The following CDYL variants were observed in gnomAD, a reference collection of about 807,000 sequenced individuals.
CDYL encodes the protein chromodomain Y-like protein.
In CDYL, 8 loss-of-function variants were observed where a neutral mutation model predicts 47.3. The ratio of observed to expected loss-of-function variants is 0.17; its 90% CI spans 0.10 to 0.31. CDYL has a LOEUF of 0.31. Among genes scored for constraint, CDYL ranks in the 10% least tolerant of loss-of-function variants. The pLI, the probability that CDYL is intolerant of heterozygous loss-of-function variation, is 1.00. For synonymous variants in CDYL, 266 were observed against 265.0 expected (o/e 1.00, Z -0.04); for missense variants, 471 against 701.4 (o/e 0.67, Z 3.71).
intron 1 of CDYL, among the ~76,000 whole-genome samples, chr6:4,889,366 G>C (rs750909264): frequency 6.6e-6 from 1 of 152,052 alleles, no homozygotes; most frequent in Non-Finnish European, 1.5e-5. Flanking sequence ...TGGGACTACA[G>C]GTGTGCACCA....
At chr6:4,922,841 G>GCGCT (rs1757756439) in intron 2 of CDYL, among the ~76,000 whole-genome samples, 1 of 152,138 alleles carries the variant, frequency 6.6e-6, no homozygotes, top group Non-Finnish European at 1.5e-5. Context: ...GACCTGCAGC[G>GCGCT]GGTGCCCAGC....
intron 1 of CDYL, among the ~76,000 whole-genome samples, chr6:4,888,920 TATC>T (rs1761967422): frequency 6.6e-6 from 1 of 152,246 alleles, no homozygotes; most frequent in Non-Finnish European, 1.5e-5. Flanking sequence ...TTATTTTCAG[TATC>T]ATCCCCATTT....
At chr6:4,919,002 G>A (rs915954692) in intron 2 of CDYL, among the ~76,000 whole-genome samples, 1 of 152,184 alleles carries the variant, frequency 6.6e-6, no homozygotes, top group Non-Finnish European at 1.5e-5. Flanking sequence ...ACCTTCAGAC[G>A]TGGGCAAAGA....
chr6:4,839,877 G>A lies in CDYL; in HGVS notation c.25-51836G>A, dbSNP rs922729929. Among the ~76,000 whole-genome samples, 6 of 152,132 alleles carry A rather than the reference G, an allele frequency of 3.9e-5. No homozygotes were observed. The South Asian group carries it at 1.0e-3, about 26-fold the overall frequency. ...TGATTCCTCCAGATTTGTTCTTTTT[G>A]CTTAGTCTTGCTTTGGTTATGTGGG... is the stretch of plus-strand genomic sequence containing the variant. On this transcript the variant is annotated intron_variant, in intron 1 of 6. Transcript: ENST00000397588.
At chr6:4,738,882 C>T (rs766171153) in intron 3 of CDYL, among the ~76,000 whole-genome samples, 9 of 152,216 alleles carry the variant, frequency 5.9e-5, no homozygotes, top group Non-Finnish European at 7.3e-5. Context: ...AACAATGTGG[C>T]CGGGCGCAGC....
chr6:4,905,469 C>G (rs188377301), intron 2 of CDYL, among the ~76,000 whole-genome samples: 1 of 152,090 alleles, frequency 6.6e-6, no homozygotes, highest in Non-Finnish European at 1.5e-5. Flanking sequence ...CACATTTCAG[C>G]GTCTTTTCTG....
At position 4,919,145 on chromosome 6, in the gene CDYL, TGTCA is replaced by T. The variant is rs375678610; in HGVS notation, c.692-16365_692-16362del. The stretch of plus-strand genomic sequence containing the variant: ...GTTCAAGTTCTTTTCGTTATCCTAC[TGTCA>T]GTCATTCAGCAAAATGAGTGTCTTT... On this transcript the variant is annotated intron_variant, in intron 2 of 6. Transcript: ENST00000397588. Among the ~76,000 whole-genome samples the T allele has an allele frequency of 6.0e-3, 916 of 152,308 alleles. 9 individuals carry two copies. Among genetic ancestry groups the T allele is most frequent in the African/African-American group, 0.021 (860 of 41,558 alleles).
Position 4,804,907 on chromosome 6 carries a change from G to T in CDYL, c.24+28100G>T, listed in dbSNP as rs187129783. Among the ~76,000 whole-genome samples, 428 of 152,302 alleles carry T rather than the reference G, an allele frequency of 2.8e-3. 1 individual carries two copies. The highest frequency in any genetic ancestry group is 4.9e-3 in the Non-Finnish European group (332 of 68,026). On this transcript the variant is annotated intron_variant, in intron 1 of 6. Coordinates refer to ENST00000397588, the MANE Select transcript of CDYL (RefSeq NM_004824.4). ...CTTGGCCCATGTAGCGCATGCATCT[G>T]TCCCATTTCTATACTTTTATCTGAG...
chr6:4,818,816 A>C (rs921571728), intron 1 of CDYL, among the ~76,000 whole-genome samples: 1 of 152,192 alleles, frequency 6.6e-6, no homozygotes, highest in Non-Finnish European at 1.5e-5. Flanking sequence ...AATCATGTTA[A>C]CTTGAGTGTA....
chr6:4,900,810 T>TGTGA (rs1757019326), intron 2 of CDYL, among the ~76,000 whole-genome samples: 1 of 94,200 alleles, frequency 1.1e-5, no homozygotes, highest in Non-Finnish European at 2.1e-5. Flanking sequence ...TATATATATA[T>TGTGA]ATATATATAT....
intron 1 of CDYL, among the ~76,000 whole-genome samples, chr6:4,873,816 C>T (rs1189063324): frequency 6.6e-6 from 1 of 152,180 alleles, no homozygotes; most frequent in East Asian, 1.9e-4. Context: ...TGGTTTGAAA[C>T]CGCCAAGTAG....
At chr6:4,735,309 A>G (rs1757683572) in intron 3 of CDYL, among the ~76,000 whole-genome samples, 1 of 152,070 alleles carries the variant, frequency 6.6e-6, no homozygotes. Flanking sequence ...GAAAAAAAAA[A>G]GGACGTTTTT....
chr6:4,771,642 TGG>T (rs1330099398), upstream of CDYL, among the ~76,000 whole-genome samples: 1 of 152,228 alleles, frequency 6.6e-6, no homozygotes, highest in Non-Finnish European at 1.5e-5. Flanking sequence ...CCACTTCTGG[TGG>T]GTCTTGTGTT....
chr6:4,723,588 G>A (rs972293846), intron 2 of CDYL, among the ~76,000 whole-genome samples: 2 of 152,120 alleles, frequency 1.3e-5, no homozygotes, highest in Non-Finnish European at 2.9e-5. Context: ...CCCAGCAGGA[G>A]GCGGCAAGCC....
chr6:4,943,458 A>G (rs1269402968), intron 4 of CDYL, 88 bp from the exon 5 acceptor site: 1 of 941,446 alleles, frequency 1.1e-6, no homozygotes, highest in East Asian at 2.5e-5. Context: ...TAGCATTTAC[A>G]TCTTGGTAAA....
chr6:4,863,218 G>T (rs2127469461), intron 1 of CDYL, among the ~76,000 whole-genome samples: 1 of 152,224 alleles, frequency 6.6e-6, no homozygotes, highest in South Asian at 2.1e-4. Context: ...GGGAGGGAAG[G>T]GATCAAAGGT....
At chr6:4,828,360 G>A (rs1171571618) in intron 1 of CDYL, among the ~76,000 whole-genome samples, 2 of 149,376 alleles carry the variant, frequency 1.3e-5, no homozygotes, top group Non-Finnish European at 3.0e-5. Context: ...CTGGGCTCAA[G>A]TGATCTCCTG....
intron 1 of CDYL, chr6:4,714,280 C>G (rs1409196098): frequency 6.6e-6 from 1 of 152,166 alleles, no homozygotes; most frequent in East Asian, 1.9e-4. Context: ...AAGTCAAGTT[C>G]TGACAGAGTA....
intron 1 of CDYL, among the ~76,000 whole-genome samples, chr6:4,791,504 A>G (rs1276240371): frequency 6.6e-6 from 1 of 152,182 alleles, no homozygotes; most frequent in East Asian, 1.9e-4. Flanking sequence ...TAAAAGAGAA[A>G]AAGTTCTGAG....
Sources: allele counts gnomAD v4.1 joint callset (sites outside exome capture counted in the v4.1 genomes callset), GRCh38; gene constraint gnomAD v4.1.1; transcripts MANE v1.5; gene names NCBI Gene and HGNC (gene_info 2026-07-23, HGNC 2026-07-21).